CSMD3: variants seen among roughly 807,000 people sequenced by gnomAD.
CSMD3 encodes CUB and Sushi multiple domains 3, also known as CUB and sushi domain-containing protein 3.
Under a neutral mutation model 435.2 loss-of-function variants are expected in CSMD3, and 177 were observed. That is an observed-to-expected ratio of 0.41 (90% confidence interval 0.36 to 0.46). The LOEUF (loss-of-function observed/expected upper bound fraction) is 0.46, where lower values mean the gene tolerates loss of function less well. CSMD3 is among the 20% of genes least tolerant of loss of function. The probability of loss-of-function intolerance (pLI) is 0.34; values close to 1 mark genes in which losing one functional copy is unlikely to be tolerated. For missense variants in CSMD3, 4,265 were observed against 4,504.6 expected (o/e 0.95, Z 1.52); for synonymous variants, 1,656 against 1,520.5 (o/e 1.09, Z -2.07).
At chr8:112,835,318 A>G (rs2079990655) in intron 11 of CSMD3, among the ~76,000 whole-genome samples, 1 of 151,836 alleles carries the variant, frequency 6.6e-6, no homozygotes, top group African/African-American at 2.4e-5. Flanking sequence ...ACATTGTCAT[A>G]TTTTCTGAAG....
chr8:113,029,885 T>C (rs1450914051), intron 5 of CSMD3, among the ~76,000 whole-genome samples: 1 of 151,156 alleles, frequency 6.6e-6, no homozygotes, highest in Non-Finnish European at 1.5e-5. Flanking sequence ...CCCTAAAGAC[T>C]CCTCCAGAAA....
intron 29 of CSMD3, 77 bp downstream of exon 29, chr8:112,506,614 A>T (rs945893268): frequency 7.5e-7 from 1 of 1,327,128 alleles, no homozygotes; most frequent in Non-Finnish European, 1.1e-6. Context: ...AATAGGAATT[A>T]GTCTAGTACA....
At chr8:112,264,635 A>C (rs1369770247) in intron 60 of CSMD3, among the ~76,000 whole-genome samples, 2 of 152,152 alleles carry the variant, frequency 1.3e-5, no homozygotes, top group Non-Finnish European at 2.9e-5. Context: ...ATTTATAGTG[A>C]TCTGATACAG....
chr8:113,320,597 T>C (rs1011914723), intron 1 of CSMD3, among the ~76,000 whole-genome samples: 1 of 152,124 alleles, frequency 6.6e-6, no homozygotes, highest in African/African-American at 2.4e-5. Flanking sequence ...CAAAAATTAC[T>C]CATGACCTTT....
intron 28 of CSMD3, among the ~76,000 whole-genome samples, chr8:112,516,157 T>G (rs968200028): frequency 5.3e-5 from 8 of 152,102 alleles, no homozygotes; most frequent in Non-Finnish European, 1.2e-4. Context: ...AGATTCTCCC[T>G]CTAAAACTTG....
At chr8:112,660,410 G>A (rs1460376098) in intron 17 of CSMD3, among the ~76,000 whole-genome samples, 1 of 152,104 alleles carries the variant, frequency 6.6e-6, no homozygotes, top group Non-Finnish European at 1.5e-5. Context: ...CTTTGCTACT[G>A]AGTTACTGCT....
intron 13 of CSMD3, among the ~76,000 whole-genome samples, chr8:112,745,787 C>T (rs1029453574): frequency 6.6e-6 from 1 of 151,084 alleles, no homozygotes; most frequent in South Asian, 2.1e-4. Flanking sequence ...ATACAAAATG[C>T]CCCTAGATAA....
chr8:112,800,643 A>T (rs1224722115), intron 12 of CSMD3, among the ~76,000 whole-genome samples: 1 of 152,092 alleles, frequency 6.6e-6, no homozygotes, highest in Non-Finnish European at 1.5e-5. Flanking sequence ...CCAGTTTCAC[A>T]GAACTTTGTT....
intron 31 of CSMD3, among the ~76,000 whole-genome samples, chr8:112,481,697 C>A (rs1424604802): frequency 6.6e-6 from 1 of 152,114 alleles, no homozygotes; most frequent in Non-Finnish European, 1.5e-5. Flanking sequence ...AAAGCTATAT[C>A]TCTCATGGAG....
At chr8:113,085,368 T>C (rs989606362) in intron 5 of CSMD3, among the ~76,000 whole-genome samples, 1 of 152,236 alleles carries the variant, frequency 6.6e-6, no homozygotes, top group South Asian at 2.1e-4. Context: ...AAAAACGGTA[T>C]GAAGTTTCTC....
chr8:113,307,259 A>G (rs1588484611), intron 2 of CSMD3, among the ~76,000 whole-genome samples: 1 of 152,124 alleles, frequency 6.6e-6, no homozygotes, highest in East Asian at 1.9e-4. Context: ...AATTGTGTCC[A>G]GAGGCAGCCA....
intron 5 of CSMD3, among the ~76,000 whole-genome samples, chr8:113,022,632 A>G (rs1181655369): frequency 6.6e-6 from 1 of 151,714 alleles, no homozygotes; most frequent in East Asian, 1.9e-4. Flanking sequence ...ACTCAGGATT[A>G]TATGTCTTAA....
chr8:113,371,082 C>T (rs554219083), intron 1 of CSMD3, among the ~76,000 whole-genome samples: 1 of 151,888 alleles, frequency 6.6e-6, no homozygotes, highest in East Asian at 1.9e-4. Context: ...TTGAAATTGT[C>T]CATAGTTTTT....
rs1813385345 is a variant in CSMD3 at position 112,234,473 on chromosome 8, T to C, written c.10632A>G (p.Val3544=). ...TTAGGCGAGCTTCCTGGCTTTTATA[T>C]ACCCCTGTAAAATGCAAGGACATTT... ...NSNMELLLSG[V]YKSQEARLML... The change falls in exon 68 of 71, where the codon GTA becomes GTG. Residue 3544 remains valine, a synonymous_variant. Transcript: ENST00000297405. 2 of 1,579,204 alleles carry C rather than the reference T, an allele frequency of 1.3e-6. No individual in the cohort carries two copies. Among genetic ancestry groups the C allele is most frequent in the Admixed American group, 1.7e-5 (1 of 59,958 alleles).
At chr8:112,569,079 A>G (rs1236334546) in intron 24 of CSMD3, among the ~76,000 whole-genome samples, 3 of 152,168 alleles carry the variant, frequency 2.0e-5, no homozygotes, top group Admixed American at 2.0e-4. Flanking sequence ...AGTTTAGGAT[A>G]GAGACATAAG....
intron 11 of CSMD3, among the ~76,000 whole-genome samples, chr8:112,835,766 C>G (rs1045888747): frequency 6.6e-6 from 1 of 151,844 alleles, no homozygotes; most frequent in Admixed American, 6.6e-5. Context: ...TAGAGCACAG[C>G]AGTCTTGTTC....
chr8:112,658,784 C>G (rs112886256), intron 17 of CSMD3, among the ~76,000 whole-genome samples: 4,426 of 152,086 alleles, frequency 0.029, 232 homozygotes, highest in African/African-American at 0.1. Flanking sequence ...ATGGCAAAAC[C>G]CTGTCTCTAC....
intron 3 of CSMD3, among the ~76,000 whole-genome samples, chr8:113,206,281 T>C (rs1004168632): frequency 6.6e-6 from 1 of 152,130 alleles, no homozygotes; most frequent in African/African-American, 2.4e-5. Flanking sequence ...TGACAGTCAT[T>C]TCACTTACAA....
At chr8:113,022,935 A>C (rs1292700371) in intron 5 of CSMD3, among the ~76,000 whole-genome samples, 1 of 152,034 alleles carries the variant, frequency 6.6e-6, no homozygotes, top group Non-Finnish European at 1.5e-5. Flanking sequence ...TCATCAATTT[A>C]TATTTAAAAT....
Sources: allele counts gnomAD v4.1 joint callset (sites outside exome capture counted in the v4.1 genomes callset), GRCh38; gene constraint gnomAD v4.1.1; transcripts MANE v1.5; gene names NCBI Gene and HGNC (gene_info 2026-07-23, HGNC 2026-07-21).